CCBE1: variants seen among roughly 807,000 people sequenced by gnomAD.
CCBE1 encodes the protein collagen and calcium-binding EGF domain-containing protein 1.
A neutral mutation model predicts 50.0 loss-of-function variants in CCBE1; 37 were observed. That is an observed-to-expected ratio of 0.74 (90% confidence interval 0.57 to 0.97). The LOEUF (loss-of-function observed/expected upper bound fraction) is 0.97. CCBE1 is among the 50% of genes least tolerant of loss of function. The pLI is 0.00. For synonymous variants in CCBE1, 234 were observed against 203.7 expected (o/e 1.15, Z -1.27); for missense variants, 538 against 523.8 (o/e 1.03, Z -0.26).
At chr18:59,461,729 C>CTTTTTTTTTT (rs36013463) in intron 5 of CCBE1, among the ~76,000 whole-genome samples, 2 of 109,338 alleles carry the variant, frequency 1.8e-5, no homozygotes, top group African/African-American at 7.3e-5. Flanking sequence ...CAGGTGTAAT[C>CTTTTTTTTTT]TTTTTTTTTT....
At chr18:59,440,459 G>A (rs1045271769) in intron 7 of CCBE1, among the ~76,000 whole-genome samples, 1 of 152,090 alleles carries the variant, frequency 6.6e-6, no homozygotes, top group African/African-American at 2.4e-5. Context: ...TTTGACTCTT[G>A]CCTCATTGCT....
chr18:59,530,341 T>TA (rs1915000280), intron 2 of CCBE1, among the ~76,000 whole-genome samples: 1 of 152,234 alleles, frequency 6.6e-6, no homozygotes, highest in Non-Finnish European at 1.5e-5. Flanking sequence ...GCAGGATCTA[T>TA]AACATTGAGT....
intron 2 of CCBE1, among the ~76,000 whole-genome samples, chr18:59,675,644 C>T (rs1019228379): frequency 6.6e-6 from 1 of 152,156 alleles, no homozygotes; most frequent in Non-Finnish European, 1.5e-5. Context: ...AAAACCCCCA[C>T]AACATTCAGG....
chr18:59,527,508 AT>A (rs1382890460), intron 2 of CCBE1, among the ~76,000 whole-genome samples: 1 of 152,096 alleles, frequency 6.6e-6, no homozygotes. Context: ...TAGGGTTAAT[AT>A]TATGTGTGAA....
chr18:59,678,072 C>T (rs531303935), intron 2 of CCBE1, among the ~76,000 whole-genome samples: 4 of 152,160 alleles, frequency 2.6e-5, no homozygotes, highest in South Asian at 4.2e-4. Context: ...TAAGCGTGTG[C>T]GATGGTTGTA....
intron 2 of CCBE1, among the ~76,000 whole-genome samples, chr18:59,544,510 C>G (rs751054849): frequency 1.3e-5 from 2 of 152,184 alleles, no homozygotes; most frequent in African/African-American, 4.8e-5. Context: ...CTCACATGCA[C>G]CCATGTATTG....
At chr18:59,525,919 A>G (rs1181609806) in intron 2 of CCBE1, among the ~76,000 whole-genome samples, 1 of 152,018 alleles carries the variant, frequency 6.6e-6, no homozygotes, top group Non-Finnish European at 1.5e-5. Flanking sequence ...CTTATTTCTG[A>G]GTTTTCTATT....
At chr18:59,499,297 G>C (rs1913504879) in intron 2 of CCBE1, among the ~76,000 whole-genome samples, 2 of 152,132 alleles carry the variant, frequency 1.3e-5, no homozygotes, top group African/African-American at 4.8e-5. Context: ...TGGTGGGAGT[G>C]ACACTTTTGT....
intron 2 of CCBE1, among the ~76,000 whole-genome samples, chr18:59,601,586 C>A (rs1202027087): frequency 6.6e-6 from 1 of 152,132 alleles, no homozygotes; most frequent in African/African-American, 2.4e-5. Context: ...AATGAATACA[C>A]GGGGTTTCAC....
At chr18:59,694,782 C>T (rs17066173) in intron 2 of CCBE1, among the ~76,000 whole-genome samples, 7,997 of 152,218 alleles carry the variant, frequency 0.053, 696 homozygotes, top group African/African-American at 0.18. Flanking sequence ...AGAGAACTCT[C>T]GACTTCCATA....
chr18:59,500,419 G>T (rs1913563509), intron 2 of CCBE1, among the ~76,000 whole-genome samples: 1 of 152,162 alleles, frequency 6.6e-6, no homozygotes, highest in African/African-American at 2.4e-5. Flanking sequence ...TTGGCTTGTT[G>T]GTGTCTTTCT....
intron 5 of CCBE1, among the ~76,000 whole-genome samples, chr18:59,460,117 A>T (rs1017198576): frequency 6.6e-6 from 1 of 152,240 alleles, no homozygotes; most frequent in Non-Finnish European, 1.5e-5. Context: ...CTCCGGCTAC[A>T]TATTTTCAAA....
At chr18:59,634,246 G>T (rs982984068) in intron 2 of CCBE1, among the ~76,000 whole-genome samples, 1 of 152,194 alleles carries the variant, frequency 6.6e-6, no homozygotes, top group Non-Finnish European at 1.5e-5. Context: ...AAAAAGCTCT[G>T]CAAGGGGAAG....
rs1911927813 is a variant in CCBE1, at chr18:59,469,576, T to A, written c.297A>T (p.Glu99Asp). Reference protein sequence around the residue: ...DYDVCAEAPCEQQCTDNFGRV... With the variant: ...DYDVCAEAPCDQQCTDNFGRV... Reference sequence around the variant, plus strand: ...GGCCAAAGTTGTCCGTGCACTGCTGTTCACAGGGAGCCTCGGCACAAACGT... The same window carrying A: ...GGCCAAAGTTGTCCGTGCACTGCTGATCACAGGGAGCCTCGGCACAAACGT... Residue 99 changes from glutamate (E) to aspartate (D), a missense_variant, in exon 4 of 11, where the codon GAA becomes GAT. Physicochemically the swap from Glu to Asp is conservative, Grantham distance 45. Transcript: ENST00000439986. 1 of 1,614,024 alleles carries A rather than the reference T, an allele frequency of 6.2e-7. No individual in the cohort carries two copies. The highest frequency in any genetic ancestry group is 8.5e-7 in the Non-Finnish European group (1 of 1,180,048).
chr18:59,580,979 C>T (rs3133207), intron 2 of CCBE1, among the ~76,000 whole-genome samples: 33,176 of 152,062 alleles, frequency 0.22, 6,451 homozygotes, highest in African/African-American at 0.53. Context: ...TCTGTGCTGC[C>T]GCTTTTGATT....
At chr18:59,488,970 G>A (rs1407917178) in intron 2 of CCBE1, among the ~76,000 whole-genome samples, 1 of 152,160 alleles carries the variant, frequency 6.6e-6, no homozygotes, top group Non-Finnish European at 1.5e-5. Flanking sequence ...CCACAGGCCT[G>A]GCTTGAAGTG....
chr18:59,513,385 G>A (rs1914221866), intron 2 of CCBE1, among the ~76,000 whole-genome samples: 1 of 152,172 alleles, frequency 6.6e-6, no homozygotes, highest in Non-Finnish European at 1.5e-5. Flanking sequence ...AGTAATCCAG[G>A]CCCCAAAGGA....
chr18:59,548,560 C>A (rs1915797052), intron 2 of CCBE1, among the ~76,000 whole-genome samples: 1 of 152,066 alleles, frequency 6.6e-6, no homozygotes, highest in African/African-American at 2.4e-5. Context: ...CCTGAGAGAC[C>A]CTACATAGGG....
chr18:59,584,503 T>TAA (rs144119317), intron 2 of CCBE1, among the ~76,000 whole-genome samples: 12 of 149,106 alleles, frequency 8.0e-5, no homozygotes, highest in East Asian at 7.8e-4. Context: ...AGTATAATAA[T>TAA]AATAAAAAAA....
Sources: allele counts gnomAD v4.1 joint callset (sites outside exome capture counted in the v4.1 genomes callset), GRCh38; gene constraint gnomAD v4.1.1; transcripts MANE v1.5; gene names NCBI Gene and HGNC (gene_info 2026-07-23, HGNC 2026-07-21).